Variants in PLEKHG1 observed in about 807,000 individuals in gnomAD.
The protein encoded by PLEKHG1 is pleckstrin homology domain-containing family G member 1.
PLEKHG1 carries 44 observed loss-of-function variants against 100.8 expected under a neutral mutation model. That is an observed-to-expected ratio of 0.44 (90% CI 0.34 to 0.56). PLEKHG1 has a LOEUF of 0.56. PLEKHG1 is among the 20% of genes least tolerant of loss of function. The pLI, the probability that PLEKHG1 is intolerant of heterozygous loss-of-function variation, is 0.01. For synonymous variants in PLEKHG1, 640 were observed against 662.5 expected (o/e 0.97, Z 0.52); for missense variants, 1,545 against 1,720.9 (o/e 0.90, Z 1.81).
chr6:150,674,680 T>TCTCTCTCCCC (rs1562427813), intron 3 of PLEKHG1, among the ~76,000 whole-genome samples: 1 of 132,788 alleles, frequency 7.5e-6, no homozygotes, highest in Non-Finnish European at 1.6e-5. Flanking sequence ...TCTCTCTCTC[T>TCTCTCTCCCC]CTCCCCCCTC....
intron 3 of PLEKHG1, among the ~76,000 whole-genome samples, chr6:150,680,226 G>A (rs776619921): frequency 1.6e-4 from 24 of 152,138 alleles, no homozygotes; most frequent in Non-Finnish European, 2.9e-4. Flanking sequence ...GGGTAGAGAT[G>A]GAGAAAAGGA....
At position 150,840,187 on chromosome 6, in the gene PLEKHG1, G is replaced by A. The variant is rs757357198; in HGVS notation, c.3449G>A (p.Ser1150Asn). 3 of 1,614,100 alleles carry A rather than the reference G, an allele frequency of 1.9e-6. No individual in the cohort carries two copies. The highest frequency in any genetic ancestry group is 2.5e-6 in the Non-Finnish European group (3 of 1,180,050). ...GTGCAGAGATGCAGCGTGGTAGTAA[G>A]TCAGCCCAACAAAGAGAACTGGTGT... Residue 1150 changes from serine (S) to asparagine (N), a missense_variant, in exon 16 of 16, where the codon AGT becomes AAT. Coordinates refer to ENST00000358517, the Ensembl canonical transcript of PLEKHG1.
intron 2 of PLEKHG1, among the ~76,000 whole-genome samples, chr6:150,762,141 A>AC (rs1562495763): frequency 6.6e-6 from 1 of 152,084 alleles, no homozygotes. Flanking sequence ...ATTACCAGTA[A>AC]GATCAGCCTC....
chr6:150,634,889 G>A (rs1198350247), intron 1 of PLEKHG1, among the ~76,000 whole-genome samples: 1 of 152,242 alleles, frequency 6.6e-6, no homozygotes, highest in East Asian at 1.9e-4. Context: ...CAGAGTAGGA[G>A]TGGGTAGGAA....
At chr6:150,676,393 A>G (rs74781231) in intron 3 of PLEKHG1, among the ~76,000 whole-genome samples, 2,885 of 152,354 alleles carry the variant, frequency 0.019, 37 homozygotes, top group Non-Finnish European at 0.03. Flanking sequence ...TACACCTATC[A>G]AATAAACGGA....
At chr6:150,631,834 G>A (rs1016790591) in intron 1 of PLEKHG1, among the ~76,000 whole-genome samples, 5 of 152,136 alleles carry the variant, frequency 3.3e-5, no homozygotes, top group East Asian at 1.9e-4. Flanking sequence ...GGAGGGCTGC[G>A]AGCAAGTAAG....
intron 3 of PLEKHG1, among the ~76,000 whole-genome samples, chr6:150,689,115 T>G (rs569911265): frequency 6.6e-6 from 1 of 152,378 alleles, no homozygotes; most frequent in Admixed American, 6.5e-5. Context: ...GGGAATTTAC[T>G]AGACATTTTG....
At chr6:150,616,845 C>G (rs905386842) in intron 1 of PLEKHG1, among the ~76,000 whole-genome samples, 1 of 152,156 alleles carries the variant, frequency 6.6e-6, no homozygotes, top group East Asian at 1.9e-4. Flanking sequence ...AATCAGACTC[C>G]TGTTTGAAAG....
Position 150,809,103 on chromosome 6 carries a change from A to G in PLEKHG1, c.913-2A>G. ...AATGCCATGGCCCATTCCCTTTCTC[A>G]GGAGATACAGAGTTTGCTCACTAAC... On this transcript the variant is annotated splice_acceptor_variant, in intron 7 of 15. Transcript: ENST00000358517. LOFTEE classifies it high-confidence loss of function. The G allele has an allele frequency of 6.2e-7, 1 of 1,611,162 alleles. No individual in the cohort carries two copies. The highest frequency in any genetic ancestry group is 8.5e-7 in the Non-Finnish European group (1 of 1,177,722).
At chr6:150,716,053 A>G (rs1781422408) in intron 3 of PLEKHG1, among the ~76,000 whole-genome samples, 1 of 148,438 alleles carries the variant, frequency 6.7e-6, no homozygotes, top group Non-Finnish European at 1.5e-5. Context: ...GCTTGCAGTG[A>G]GCCGAGATCG....
chr6:150,719,631 G>A (rs577876170), upstream of PLEKHG1, among the ~76,000 whole-genome samples: 54 of 152,292 alleles, frequency 3.5e-4, no homozygotes, highest in African/African-American at 1.2e-3. Context: ...CAGATCAAAC[G>A]GGAGCTTGAT....
intron 4 of PLEKHG1, among the ~76,000 whole-genome samples, chr6:150,789,440 C>T (rs1179811492): frequency 2.0e-5 from 3 of 152,124 alleles, no homozygotes; most frequent in African/African-American, 4.8e-5. Flanking sequence ...TAAGGGCAAA[C>T]TTGCATTTAA....
chr6:150,706,998 C>CTTTTTTTTT (rs71014517), intron 3 of PLEKHG1, among the ~76,000 whole-genome samples: 3 of 51,934 alleles, frequency 5.8e-5, no homozygotes, highest in East Asian at 6.7e-4. Context: ...TTTTCTTTTT[C>CTTTTTTTTT]TTTTTTTTTT....
At chr6:150,682,050 G>C (rs996677037) in intron 3 of PLEKHG1, among the ~76,000 whole-genome samples, 3 of 152,120 alleles carry the variant, frequency 2.0e-5, no homozygotes, top group Admixed American at 6.5e-5. Context: ...ATCTGATGAG[G>C]GGCAAGCGTG....
intron 3 of PLEKHG1, among the ~76,000 whole-genome samples, chr6:150,676,361 A>G (rs1779758397): frequency 6.6e-6 from 1 of 152,266 alleles, no homozygotes; most frequent in Non-Finnish European, 1.5e-5. Flanking sequence ...ACACTCAAAT[A>G]CATTTTAAAA....
chr6:150,791,487 C>T (rs924133078), intron 4 of PLEKHG1, among the ~76,000 whole-genome samples: 3 of 151,800 alleles, frequency 2.0e-5, no homozygotes, highest in African/African-American at 7.3e-5. Flanking sequence ...TATGGCAAAA[C>T]CCCATCTCTA....
rs397888221 is a variant in PLEKHG1, at chr6:150,734,980, ATTTT to A, written c.411+908_411+911del. Among the ~76,000 whole-genome samples the A allele has an allele frequency of 7.9e-3, 809 of 102,862 alleles. 10 individuals are homozygous for A. Among genetic ancestry groups the A allele is most frequent in the African/African-American group, 0.026 (696 of 26,700 alleles). 67.5% of individuals were successfully genotyped at this position (102,862 alleles called of 152,430 possible). A position where few individuals can be genotyped will look rare whatever the true frequency, so the allele number is the denominator to read the frequency against. On this transcript the variant is annotated intron_variant, in intron 2 of 15. Transcript: ENST00000358517. The stretch of plus-strand genomic sequence containing the variant: ...AAAAATATTACTATCTCAAGGGCAG[ATTTT>A]TTTTTTTTTTTTTTTTTTTGAGACG...
At chr6:150,734,576 T>G (rs1042868307) in intron 2 of PLEKHG1, among the ~76,000 whole-genome samples, 1 of 151,944 alleles carries the variant, frequency 6.6e-6, no homozygotes, top group Non-Finnish European at 1.5e-5. Flanking sequence ...GGGGCTTGGG[T>G]GGTGGAATTG....
At chr6:150,774,628 A>G (rs562159422) in intron 3 of PLEKHG1, among the ~76,000 whole-genome samples, 1 of 136,732 alleles carries the variant, frequency 7.3e-6, no homozygotes, top group African/African-American at 2.7e-5. Context: ...TGCAGCCTCC[A>G]TCTCCCGGGT....
Sources: gnomAD v4.1 joint callset for allele counts (sites outside exome capture counted in the v4.1 genomes callset) on GRCh38, gnomAD v4.1.1 for gene constraint, MANE v1.5 for transcripts, NCBI Gene and HGNC (gene_info 2026-07-23, HGNC 2026-07-21) for gene names.